Variants in CADM2 observed in about 807,000 individuals in gnomAD.
CADM2 encodes cell adhesion molecule 2.
In CADM2, 12 loss-of-function variants were observed where a neutral mutation model predicts 49.8. The observed-to-expected ratio is 0.24, with a 90% CI of 0.15 to 0.39. The LOEUF (loss-of-function observed/expected upper bound fraction) is 0.39. Ranked by LOEUF, CADM2 falls within the 10% of genes least tolerant of loss-of-function variation. The pLI is 1.00. For synonymous variants in CADM2, 214 were observed against 175.4 expected, an observed-to-expected ratio of 1.22 and a Z score of -1.74; for missense variants, 378 against 492.3, an observed-to-expected ratio of 0.77 and a Z score of 2.20.
intron 2 of CADM2, among the ~76,000 whole-genome samples, chr3:85,747,796 G>A (rs1285608566): frequency 1.3e-5 from 2 of 152,048 alleles, no homozygotes; most frequent in African/African-American, 4.8e-5. Context: ...CATCAAAACT[G>A]CTAGCATAAT....
chr3:86,036,468 GC>G, intron 8 of CADM2, among the ~76,000 whole-genome samples: 1 of 152,036 alleles, frequency 6.6e-6, no homozygotes, highest in Middle Eastern at 3.4e-3. Context: ...TCTTCAGTCT[GC>G]CCCTTAATTC....
chr3:85,426,464 G>A (rs1179605065), intron 1 of CADM2, among the ~76,000 whole-genome samples: 1 of 152,008 alleles, frequency 6.6e-6, no homozygotes, highest in African/African-American at 2.4e-5. Context: ...ATATCAATAT[G>A]TTGTTTTATT....
chr3:85,832,323 G>A (rs2074221152), intron 3 of CADM2, among the ~76,000 whole-genome samples: 1 of 151,788 alleles, frequency 6.6e-6, no homozygotes, highest in Non-Finnish European at 1.5e-5. Context: ...ACCATATGAA[G>A]TTCAGGGTAG....
At chr3:85,974,707 A>T (rs1726559780) in intron 8 of CADM2, among the ~76,000 whole-genome samples, 1 of 151,638 alleles carries the variant, frequency 6.6e-6, no homozygotes, top group South Asian at 2.1e-4. Context: ...AAGTACTCAG[A>T]TTATTTACAT....
intron 1 of CADM2, among the ~76,000 whole-genome samples, chr3:85,601,173 T>TATATATATAC (rs1469920736): frequency 1.0e-5 from 1 of 99,452 alleles, no homozygotes; most frequent in African/African-American, 4.8e-5. Context: ...TATATATATA[T>TATATATATAC]ACACACACAC....
intron 1 of CADM2, among the ~76,000 whole-genome samples, chr3:85,539,565 T>G (rs1576754138): frequency 6.6e-6 from 1 of 152,220 alleles, no homozygotes; most frequent in East Asian, 1.9e-4. Context: ...TTTAATATAT[T>G]TATCTTTAGT....
intron 1 of CADM2, among the ~76,000 whole-genome samples, chr3:85,299,629 G>T (rs917898104): frequency 6.6e-6 from 1 of 152,020 alleles, no homozygotes; most frequent in Non-Finnish European, 1.5e-5. Context: ...GTTCTGCCTG[G>T]CCTCCTTGCA....
intron 2 of CADM2, among the ~76,000 whole-genome samples, chr3:85,745,417 A>G (rs2068576421): frequency 6.6e-6 from 1 of 152,064 alleles, no homozygotes; most frequent in Non-Finnish European, 1.5e-5. Flanking sequence ...GGAAGGGGGA[A>G]GGCTAAAGTT....
At chr3:85,256,423 C>T (rs1158438215) in intron 1 of CADM2, among the ~76,000 whole-genome samples, 4 of 151,970 alleles carry the variant, frequency 2.6e-5, no homozygotes, top group African/African-American at 7.2e-5. Flanking sequence ...ATGAATCTGC[C>T]GGAGGAAATG....
At chr3:85,111,904 T>C (rs1451475198) in intron 1 of CADM2, among the ~76,000 whole-genome samples, 1 of 151,892 alleles carries the variant, frequency 6.6e-6, no homozygotes, top group African/African-American at 2.4e-5. Context: ...TAATGGTTTC[T>C]AATTTCGTTG....
intron 8 of CADM2, among the ~76,000 whole-genome samples, chr3:86,036,712 C>T (rs1360622632): frequency 1.3e-5 from 2 of 152,078 alleles, no homozygotes; most frequent in East Asian, 1.9e-4. Flanking sequence ...GTCTCCTCAA[C>T]TGTAAAATGG....
chr3:85,771,042 C>A (rs1403441973), intron 2 of CADM2, among the ~76,000 whole-genome samples: 4 of 152,130 alleles, frequency 2.6e-5, no homozygotes, highest in African/African-American at 9.7e-5. Flanking sequence ...TTGGCTCTGG[C>A]AACTCCTTTC....
intron 1 of CADM2, among the ~76,000 whole-genome samples, chr3:85,434,281 A>C (rs1028159649): frequency 6.6e-6 from 1 of 151,844 alleles, no homozygotes; most frequent in African/African-American, 2.4e-5. Flanking sequence ...TCAGTTTCTT[A>C]ATTTGGTGAT....
At chr3:85,661,789 T>C (rs1356804948) in intron 1 of CADM2, among the ~76,000 whole-genome samples, 1 of 152,034 alleles carries the variant, frequency 6.6e-6, no homozygotes, top group Non-Finnish European at 1.5e-5. Context: ...AAAATGGAGA[T>C]ATTTGGGGAT....
chr3:85,051,178 T>G (rs1268134381), intron 1 of CADM2, among the ~76,000 whole-genome samples: 5 of 152,190 alleles, frequency 3.3e-5, no homozygotes, highest in Non-Finnish European at 5.9e-5. Context: ...AAAGTTAACG[T>G]CATTAAGTGA....
intron 1 of CADM2, among the ~76,000 whole-genome samples, chr3:85,551,141 G>A (rs1047336696): frequency 6.6e-6 from 1 of 151,714 alleles, no homozygotes; most frequent in Non-Finnish European, 1.5e-5. Flanking sequence ...GCACCACCAT[G>A]CTCAGTTGAT....
chr3:85,935,215 T>A (rs1021884720), intron 6 of CADM2, among the ~76,000 whole-genome samples: 2 of 152,156 alleles, frequency 1.3e-5, no homozygotes, highest in African/African-American at 4.8e-5. Flanking sequence ...CTATTGGAAG[T>A]GACTCACTAA....
At chr3:86,025,697 T>C (rs952012211) in intron 8 of CADM2, among the ~76,000 whole-genome samples, 3 of 152,212 alleles carry the variant, frequency 2.0e-5, no homozygotes, top group South Asian at 2.1e-4. Flanking sequence ...TAATTTATTA[T>C]GTAAATTTAA....
intron 8 of CADM2, among the ~76,000 whole-genome samples, chr3:85,973,806 T>C (rs1726450710): frequency 6.6e-6 from 1 of 151,700 alleles, no homozygotes; most frequent in South Asian, 2.1e-4. Flanking sequence ...GGAAGCATTA[T>C]TGGTCATGGG....
Sources: gnomAD v4.1 joint callset for allele counts (sites outside exome capture counted in the v4.1 genomes callset) on GRCh38, gnomAD v4.1.1 for gene constraint, MANE v1.5 for transcripts, NCBI Gene and HGNC (gene_info 2026-07-23, HGNC 2026-07-21) for gene names.